Variants in ST7L observed in about 807,000 individuals in gnomAD.
ST7L encodes suppressor of tumorigenicity 7 protein-like.
Under a neutral mutation model 72.5 loss-of-function variants are expected in ST7L, and 57 were observed. The ratio of observed to expected loss-of-function variants is 0.79; its 90% confidence interval spans 0.64 to 0.98. The LOEUF is 0.98. Among genes scored for constraint, ST7L ranks in the 50% least tolerant of loss-of-function variants. The pLI is 0.00. For synonymous variants in ST7L, 221 were observed against 240.9 expected (o/e 0.92, Z 0.77); for missense variants, 576 against 672.2 (o/e 0.86, Z 1.58).
chr1:112,604,647 G>T (rs1483578788), intron 3 of ST7L, among the ~76,000 whole-genome samples: 2 of 151,936 alleles, frequency 1.3e-5, no homozygotes, highest in Non-Finnish European at 2.9e-5. Flanking sequence ...AAACTTGAAT[G>T]CCAGGCACAA....
chr1:112,519,208 G>C (rs1171256099), downstream of ST7L, among the ~76,000 whole-genome samples: 1 of 152,100 alleles, frequency 6.6e-6, no homozygotes, highest in Non-Finnish European at 1.5e-5. Flanking sequence ...AAAACAATTT[G>C]AGCATATATC....
intron 14 of ST7L, 186 bp downstream of exon 14, chr1:112,541,765 C>G: frequency 7.6e-7 from 1 of 1,308,196 alleles, no homozygotes; most frequent in Non-Finnish European, 9.8e-7. Context: ...TTTTAAGCAA[C>G]AGAAGTAGCT....
At chr1:112,611,079 A>G in intron 2 of ST7L, 76 bp from the exon 3 acceptor site, 1 of 1,455,254 alleles carries the variant, frequency 6.9e-7, no homozygotes, top group African/African-American at 1.4e-5. Flanking sequence ...CATTCTCTCA[A>G]GATGTCCTGT....
chr1:112,618,274 C>T lies in ST7L; in HGVS notation c.205+635G>A, dbSNP rs547119497. 2.0e-4 allele frequency: 209 copies of T among 1,058,546 alleles called. 4 individuals are homozygous for T. The South Asian group carries it at 5.2e-3, about 26-fold the overall frequency. The allele number at this position is 1,058,546 out of a possible 1,614,324, so 65.6% of individuals were successfully genotyped here. On this transcript the variant is annotated intron_variant, in intron 1 of 14. Transcript: ENST00000358039. ...GTGTTCGTATTGTCAGCACAGAATACGTAGCAAGTGTTCTACAGACGTCGA... is the reference window on the plus strand; with the variant it reads ...GTGTTCGTATTGTCAGCACAGAATATGTAGCAAGTGTTCTACAGACGTCGA...
At chr1:112,614,024 C>T (rs1219884596) in intron 2 of ST7L, among the ~76,000 whole-genome samples, 1 of 152,142 alleles carries the variant, frequency 6.6e-6, no homozygotes, top group Non-Finnish European at 1.5e-5. Context: ...GACACCACAC[C>T]TGGCCACAAA....
At position 112,598,177 on chromosome 1, in the gene ST7L, C is replaced by T. The variant is rs563742148; in HGVS notation, c.507-91G>A. 1.5e-5 allele frequency: 12 copies of T among 778,068 alleles called. No homozygotes were observed. In the South Asian group the frequency reaches 1.8e-4, roughly 12 times the overall value. 48.2% of individuals were successfully genotyped at this position (778,068 alleles called of 1,614,324 possible). A position where few individuals can be genotyped will look rare whatever the true frequency, so the allele number is the denominator to read the frequency against. The stretch of plus-strand genomic sequence containing the variant: ...ACTACTTAAATTCAAAAATGTACTG[C>T]TACACATTTGGATGTTTTAAAATCT... On this transcript the variant is annotated intron_variant, in intron 4 of 14. Transcript: ENST00000358039.
rs188720099 is a variant in ST7L at position 112,540,892 on chromosome 1, G to A, written c.1629+1059C>T. On this transcript the variant is annotated intron_variant, in intron 14 of 14. Transcript: ENST00000358039. ...TACTACCTGGTAGAAATGCAAAGAT[G>A]TACAAGAAAGATGCATTTTTAAAAA... 8.0e-5 allele frequency: 99 copies of A among 1,243,898 alleles called. No individual in the cohort carries two copies. The East Asian group carries it at 5.1e-3, about 64-fold the overall frequency. 77.1% of individuals were successfully genotyped at this position (1,243,898 alleles called of 1,614,324 possible).
At position 112,591,526 on chromosome 1, in the gene ST7L, C is replaced by T. The variant is rs1412069966; in HGVS notation, c.700G>A (p.Asp234Asn). The change falls in exon 6 of 15, where the codon GAC (aspartate) becomes AAC (asparagine). Residue 234 changes from aspartate (D) to asparagine (N), a missense_variant and splice_region_variant. Around this residue, in one of 3 missense-constraint regions of ST7L, gnomAD observed 511 missense variants for 600.7 expected, o/e 0.85. Transcript: ENST00000358039. ...ATTTTCCATATATTTCAAACTTACT[C>T]ATTGTTTAATTCTAAAGCTTGATAG... ...AAYQALELNN[D>N]CATAYVLLAE... is the part of the protein sequence containing the mutation. The T allele has an allele frequency of 6.2e-7, 1 of 1,605,220 alleles. No individual in the cohort carries two copies. Among genetic ancestry groups the T allele is most frequent in the Admixed American group, 1.7e-5 (1 of 58,228 alleles).
chr1:112,585,697 C>A (rs963128429), intron 6 of ST7L, among the ~76,000 whole-genome samples: 4 of 149,476 alleles, frequency 2.7e-5, no homozygotes, highest in African/African-American at 7.4e-5. Context: ...TGCACCACTG[C>A]ACTCCAGCCT....
chr1:112,530,784 T>G (rs1463753079), intron 14 of ST7L, among the ~76,000 whole-genome samples: 1 of 152,162 alleles, frequency 6.6e-6, no homozygotes, highest in East Asian at 1.9e-4. Flanking sequence ...GTTACTTTAA[T>G]GAGACAGCTC....
intron 3 of ST7L, among the ~76,000 whole-genome samples, chr1:112,607,998 G>C (rs1284383938): frequency 6.6e-6 from 1 of 152,136 alleles, no homozygotes; most frequent in South Asian, 2.1e-4. Context: ...TTGAACAAAA[G>C]CATGCTTTAA....
At chr1:112,574,357 C>A (rs1318520863) in intron 11 of ST7L, among the ~76,000 whole-genome samples, 7 of 150,588 alleles carry the variant, frequency 4.6e-5, no homozygotes, top group Non-Finnish European at 1.0e-4. Context: ...GCTGAAGAGT[C>A]TGTCTTAAAA....
chr1:112,610,014 C>A (rs1475759600), intron 3 of ST7L, among the ~76,000 whole-genome samples: 2 of 151,850 alleles, frequency 1.3e-5, no homozygotes, highest in Non-Finnish European at 2.9e-5. Flanking sequence ...CTTTATTAGT[C>A]ATAAGATTCC....
At chr1:112,529,087 A>C (rs2101165184) in intron 14 of ST7L, 1 of 152,298 alleles carries the variant, frequency 6.6e-6, no homozygotes, top group Non-Finnish European at 1.5e-5. Context: ...TATTCTTCCA[A>C]AGCAGTTCCC....
At chr1:112,569,221 T>C (rs1198651587) in intron 11 of ST7L, among the ~76,000 whole-genome samples, 2 of 152,198 alleles carry the variant, frequency 1.3e-5, no homozygotes, top group Non-Finnish European at 2.9e-5. Flanking sequence ...TCTAGGTGTA[T>C]ACTTGAGAGA....
chr1:112,552,731 T>C (rs574472356), intron 12 of ST7L, among the ~76,000 whole-genome samples: 3 of 152,118 alleles, frequency 2.0e-5, no homozygotes, highest in South Asian at 2.1e-4. Flanking sequence ...CAATAAGAAG[T>C]AGTTATTTGT....
chr1:112,582,909 A>G (rs769458721), intron 7 of ST7L, among the ~76,000 whole-genome samples: 2 of 152,188 alleles, frequency 1.3e-5, no homozygotes, highest in Non-Finnish European at 2.9e-5. Flanking sequence ...AAAAATGTCC[A>G]AAACAAAATT....
chr1:112,538,797 CAAT>C (rs1299165728), intron 14 of ST7L, among the ~76,000 whole-genome samples: 2 of 152,122 alleles, frequency 1.3e-5, no homozygotes, highest in Non-Finnish European at 2.9e-5. Flanking sequence ...ATGATGATGA[CAAT>C]AAAGGTAGCA....
intron 11 of ST7L, among the ~76,000 whole-genome samples, chr1:112,562,586 T>C (rs1369201695): frequency 1.3e-5 from 2 of 152,074 alleles, no homozygotes. Context: ...GAGTAGAAAT[T>C]TGCCAGGTAG....
Sources: gnomAD v4.1 joint callset for allele counts (sites outside exome capture counted in the v4.1 genomes callset) on GRCh38, gnomAD v4.1.1 for gene constraint, gnomAD v4.1.1 regional missense constraint, MANE v1.5 for transcripts, NCBI Gene and HGNC (gene_info 2026-07-23, HGNC 2026-07-21) for gene names.